The following CABCOCO1 variants were observed in gnomAD, a reference collection of about 807,000 sequenced individuals.
CABCOCO1 encodes ciliary-associated calcium-binding coiled-coil protein 1.
CABCOCO1 carries 28 observed loss-of-function variants against 35.7 expected under a neutral mutation model. That is an observed-to-expected ratio of 0.78 (90% confidence interval 0.58 to 1.07). CABCOCO1 has a LOEUF of 1.07. CABCOCO1 is among the 50% of genes least tolerant of loss of function. CABCOCO1 has a pLI of 0.00. For synonymous variants in CABCOCO1, 95 were observed against 100.1 expected, an observed-to-expected ratio of 0.95 and a Z score of 0.30; for missense variants, 326 against 309.2, an observed-to-expected ratio of 1.05 and a Z score of -0.41.
intron 5 of CABCOCO1, among the ~76,000 whole-genome samples, chr10:61,751,726 A>C (rs1488401085): frequency 6.6e-6 from 1 of 152,208 alleles, no homozygotes; most frequent in East Asian, 1.9e-4. Context: ...GAAATTTAGT[A>C]ACATAAGATA....
At chr10:61,675,960 A>T (rs1839501553) in intron 2 of CABCOCO1, among the ~76,000 whole-genome samples, 1 of 152,186 alleles carries the variant, frequency 6.6e-6, no homozygotes, top group African/African-American at 2.4e-5. Context: ...CACTTCATAA[A>T]ACTTTGATTT....
intron 2 of CABCOCO1, 47 bp downstream of exon 2, chr10:61,672,782 T>G (rs1218584063): frequency 1.0e-6 from 1 of 956,184 alleles, no homozygotes; most frequent in Non-Finnish European, 1.2e-6. Flanking sequence ...CAGTTCGAGT[T>G]CTGCATCTGT....
chr10:61,690,508 G>T (rs2131994288), intron 4 of CABCOCO1, 41 bp from the exon 5 acceptor site: 2 of 1,390,358 alleles, frequency 1.4e-6, no homozygotes, highest in Non-Finnish European at 1.0e-6. Context: ...TTTTTTTCCT[G>T]AAATCAACTT....
At chr10:61,735,864 T>G (rs1015911963) in intron 5 of CABCOCO1, among the ~76,000 whole-genome samples, 3 of 152,134 alleles carry the variant, frequency 2.0e-5, no homozygotes, top group African/African-American at 4.8e-5. Flanking sequence ...TGTAGCTGAA[T>G]CACCTGAAGC....
intron 6 of CABCOCO1, among the ~76,000 whole-genome samples, 159 bp downstream of exon 6, chr10:61,760,340 T>C (rs1243200162): frequency 6.6e-6 from 1 of 152,072 alleles, no homozygotes; most frequent in Non-Finnish European, 1.5e-5. Context: ...ATGAGTCCGC[T>C]GATGGTAGTT....
chr10:61,759,551 G>C (rs1402730147), intron 5 of CABCOCO1, among the ~76,000 whole-genome samples: 1 of 151,994 alleles, frequency 6.6e-6, no homozygotes, highest in Non-Finnish European at 1.5e-5. Context: ...TCTCCTTCCT[G>C]ATCTACTGGC....
At chr10:61,712,248 C>G (rs559497925) in intron 5 of CABCOCO1, among the ~76,000 whole-genome samples, 10 of 152,320 alleles carry the variant, frequency 6.6e-5, no homozygotes, top group South Asian at 2.1e-4. Context: ...TTGCATTTCT[C>G]TGATGACCAG....
At chr10:61,731,765 A>C (rs1841307850) in intron 5 of CABCOCO1, among the ~76,000 whole-genome samples, 1 of 107,754 alleles carries the variant, frequency 9.3e-6, no homozygotes, top group Admixed American at 1.3e-4. Flanking sequence ...GGACAGAGGG[A>C]GGAAGGGAAG....
chr10:61,688,018 G>C (rs10994876), intron 4 of CABCOCO1, among the ~76,000 whole-genome samples: 1 of 151,902 alleles, frequency 6.6e-6, no homozygotes, highest in Non-Finnish European at 1.5e-5. Flanking sequence ...CGGGGACTGA[G>C]AGGAGGGGCA....
intron 5 of CABCOCO1, among the ~76,000 whole-genome samples, chr10:61,741,111 T>A (rs1841540237): frequency 6.6e-6 from 1 of 150,852 alleles, no homozygotes; most frequent in South Asian, 2.1e-4. Flanking sequence ...ACCATTGCAC[T>A]CCAGCCTGGA....
At chr10:61,681,087 G>C (rs1839777632) in intron 2 of CABCOCO1, 56 bp from the exon 3 acceptor site, 3 of 1,113,196 alleles carry the variant, frequency 2.7e-6, no homozygotes, top group South Asian at 4.1e-5. Context: ...ACTTAGGAAA[G>C]AAATGGTTCA....
intron 5 of CABCOCO1, among the ~76,000 whole-genome samples, chr10:61,746,789 G>T (rs1841671632): frequency 6.6e-6 from 1 of 151,960 alleles, no homozygotes; most frequent in South Asian, 2.1e-4. Flanking sequence ...AAGCTGTTTT[G>T]TATATGTTGG....
At chr10:61,676,395 G>T (rs1470035983) in intron 2 of CABCOCO1, among the ~76,000 whole-genome samples, 1 of 152,108 alleles carries the variant, frequency 6.6e-6, no homozygotes, top group African/African-American at 2.4e-5. Flanking sequence ...GGTAATAATA[G>T]ACTGAAACAA....
rs192356704 is a variant in CABCOCO1 at position 61,726,114 on chromosome 10, C to A, written c.553-33945C>A. Among the ~76,000 whole-genome samples, 249 of 152,176 alleles carry A rather than the reference C, an allele frequency of 1.6e-3. 1 individual carries two copies. Among genetic ancestry groups the A allele is most frequent in the African/African-American group, 5.6e-3 (234 of 41,540 alleles). On this transcript the variant is annotated intron_variant, in intron 5 of 7. Transcript: ENST00000648843. ...CTATCAAAATTTTAGGCAGGCATAC[C>A]CCTTGACATAGCAATTTTAATTTCA...
chr10:61,755,571 A>C (rs1234655392), intron 5 of CABCOCO1, among the ~76,000 whole-genome samples: 1 of 152,218 alleles, frequency 6.6e-6, no homozygotes, highest in East Asian at 1.9e-4. Flanking sequence ...CCTATGGCTC[A>C]AAAAAGCTTG....
At chr10:61,728,693 G>GCTAAGCTT (rs1279301628) in intron 5 of CABCOCO1, among the ~76,000 whole-genome samples, 3 of 152,104 alleles carry the variant, frequency 2.0e-5, no homozygotes, top group Non-Finnish European at 4.4e-5. Context: ...TTTTGACCAA[G>GCTAAGCTT]CTAAGCTTCT....
chr10:61,748,023 C>A (rs567796547), intron 5 of CABCOCO1, among the ~76,000 whole-genome samples: 77 of 152,178 alleles, frequency 5.1e-4, no homozygotes, highest in African/African-American at 1.8e-3. Context: ...CATAACTTCA[C>A]CTAGCATGGA....
Position 61,701,629 on chromosome 10 carries a change from C to T in CABCOCO1, c.552+11008C>T, listed in dbSNP as rs147579904. On this transcript the variant is annotated intron_variant, in intron 5 of 7. Coordinates refer to ENST00000648843, the MANE Select transcript of CABCOCO1 (RefSeq NM_001366906.2). ...ATGTTTCCATTCTCTGATTACAAAC[C>T]CGCAGAATCCATTAATAATCCACAC... 4,778 of 984,724 alleles carry T rather than the reference C, an allele frequency of 4.9e-3. 15 individuals are homozygous for T. Among genetic ancestry groups the T allele is most frequent in the Middle Eastern group, 0.018 (35 of 1,912 alleles). The allele number at this position is 984,724 out of a possible 1,614,324, so 61.0% of individuals were successfully genotyped here. A position where few individuals can be genotyped will look rare whatever the true frequency, so the allele number is the denominator to read the frequency against.
chr10:61,664,568 C>T (rs1239322416), intron 1 of CABCOCO1, among the ~76,000 whole-genome samples: 2 of 152,100 alleles, frequency 1.3e-5, no homozygotes, highest in Non-Finnish European at 2.9e-5. Flanking sequence ...TCTTGGAGGG[C>T]CAGGTATTCT....
Sources: allele counts gnomAD v4.1 joint callset (sites outside exome capture counted in the v4.1 genomes callset), GRCh38; gene constraint gnomAD v4.1.1; transcripts MANE v1.5; gene names NCBI Gene and HGNC (gene_info 2026-07-23, HGNC 2026-07-21).